The following STX5 variants were observed in gnomAD, a reference collection of about 807,000 sequenced individuals.
The protein encoded by STX5 is syntaxin 5, also known as syntaxin-5.
A neutral mutation model predicts 42.9 loss-of-function variants in STX5; 15 were observed. The ratio of observed to expected loss-of-function variants is 0.35; its 90% CI spans 0.23 to 0.54. The LOEUF (loss-of-function observed/expected upper bound fraction) is 0.54, where lower values mean the gene tolerates loss of function less well. STX5 is among the 20% of genes least tolerant of loss of function. STX5 has a pLI of 0.91. For synonymous variants in STX5, 184 were observed against 173.2 expected, an observed-to-expected ratio of 1.06 and a Z score of -0.49; for missense variants, 430 against 455.0, an observed-to-expected ratio of 0.95 and a Z score of 0.50.
rs141751646 is a variant in STX5, at chr11:62,829,794, G to C, written c.225+1225C>G. On this transcript the variant is annotated intron_variant, in intron 2 of 10. Coordinates refer to ENST00000294179, the MANE Select transcript of STX5 (RefSeq NM_003164.5). ...AAAGGAGAGAGAGAGGCCAGGTGTGGTGACTCATACCTGTAATCCCAGCAC... is the reference window on the plus strand; with the variant it reads ...AAAGGAGAGAGAGAGGCCAGGTGTGCTGACTCATACCTGTAATCCCAGCAC... Among the ~76,000 whole-genome samples the C allele has an allele frequency of 9.2e-5, 14 of 151,996 alleles. No individual in the cohort carries two copies. In the East Asian group the frequency reaches 2.7e-3, roughly 30 times the overall value.
chr11:62,814,382 A>T lies in STX5; in HGVS notation c.909-6754T>A, dbSNP rs149219441. Among the ~76,000 whole-genome samples, 585 of 152,062 alleles carry T rather than the reference A, an allele frequency of 3.8e-3. 2 individuals carry two copies. The highest frequency in any genetic ancestry group is 0.013 in the African/African-American group (542 of 41,466). ...CACCATGTTGATCAGCCTGGTCTCG[A>T]ACTCCCGACCTTAGGTGATCCACCC... is the stretch of plus-strand genomic sequence containing the variant. On this transcript the variant is annotated intron_variant, in intron 10 of 10. Transcript: ENST00000294179.
intron 10 of STX5, among the ~76,000 whole-genome samples, chr11:62,813,887 C>T (rs1295258028): frequency 2.6e-5 from 4 of 152,264 alleles, no homozygotes; most frequent in Non-Finnish European, 5.9e-5. Flanking sequence ...ATTTATGCCC[C>T]GGAGCCCACT....
intron 10 of STX5, among the ~76,000 whole-genome samples, chr11:62,810,039 T>C (rs1017390975): frequency 2.0e-5 from 3 of 146,344 alleles, no homozygotes; most frequent in Non-Finnish European, 4.5e-5. Context: ...GAGGCGGAGA[T>C]TGCAGTGAGC....
chr11:62,828,629 G>A (rs1382146879), intron 2 of STX5, among the ~76,000 whole-genome samples: 1 of 152,118 alleles, frequency 6.6e-6, no homozygotes, highest in African/African-American at 2.4e-5. Flanking sequence ...AGCAGGCTGA[G>A]GCCGGAGAAT....
chr11:62,815,562 A>G (rs548058615), intron 10 of STX5, among the ~76,000 whole-genome samples: 2 of 150,110 alleles, frequency 1.3e-5, no homozygotes, highest in African/African-American at 2.5e-5. Flanking sequence ...TTTGAGACAG[A>G]GTCTCGCTCT....
At chr11:62,830,453 A>T in intron 2 of STX5, 1 of 445,534 alleles carries the variant, frequency 2.2e-6, no homozygotes, top group Non-Finnish European at 4.5e-6. Context: ...AGGCTGAGGA[A>T]AGAGGATCCC....
intron 10 of STX5, among the ~76,000 whole-genome samples, chr11:62,817,876 T>G (rs2084692846): frequency 6.6e-6 from 1 of 152,056 alleles, no homozygotes; most frequent in Admixed American, 6.6e-5. Context: ...GAAACATATA[T>G]ATGTATATAT....
At chr11:62,811,657 CCTTT>C (rs1039094497) in intron 10 of STX5, among the ~76,000 whole-genome samples, 1 of 150,280 alleles carries the variant, frequency 6.7e-6, no homozygotes, top group Non-Finnish European at 1.5e-5. Context: ...TTCTCTCATC[CCTTT>C]TTTTTTTTTT....
chr11:62,807,205 G>GC lies in STX5; in HGVS notation c.*263dup. Reference sequence around the variant, plus strand: ...AAACAACCTCCCCCACTGGCCCCCAGCTGGCCTCTGCTCCCTTCCAGTCAC... The same window carrying GC: ...AAACAACCTCCCCCACTGGCCCCCAGCCTGGCCTCTGCTCCCTTCCAGTCAC... On this transcript the variant is annotated 3_prime_UTR_variant, in exon 11 of 11. Transcript: ENST00000294179. 2 of 328,130 alleles carry GC rather than the reference G, an allele frequency of 6.1e-6. No individual in the cohort carries two copies. Among genetic ancestry groups the GC allele is most frequent in the South Asian group, 1.5e-4 (2 of 13,280 alleles). 20.3% of individuals were successfully genotyped at this position (328,130 alleles called of 1,614,324 possible). A position where few individuals can be genotyped will look rare whatever the true frequency, so the allele number is the denominator to read the frequency against.
intron 10 of STX5, among the ~76,000 whole-genome samples, chr11:62,821,426 G>A (rs1405541429): frequency 6.6e-6 from 1 of 151,806 alleles, no homozygotes. Context: ...TATACTTTTT[G>A]TTTTAAAGTT....
At chr11:62,827,040 A>ACC in intron 5 of STX5, 115 bp downstream of exon 5, 1 of 882,576 alleles carries the variant, frequency 1.1e-6, no homozygotes, top group Non-Finnish European at 1.8e-6. Flanking sequence ...ACACAGTGAG[A>ACC]CCCCCCTCTC....
Position 62,824,542 on chromosome 11 carries a change from C to T in STX5, c.703G>A (p.Ala235Thr), listed in dbSNP as rs201284859. The T allele has an allele frequency of 3.1e-6, 5 of 1,614,030 alleles. No homozygotes were observed. In the East Asian group the frequency reaches 8.9e-5, roughly 29 times the overall value. ...ACATCCTTGGAGGCATGGGACTCTG[C>T]CCCCAGAACCACAGCACCACCGCCT... The part of the protein sequence containing the change: ...HLGGGAVVLG[A>T]ESHASKDVAI... Residue 235 changes from alanine to threonine, a missense_variant, in exon 9 of 11, where the codon GCA (alanine) becomes ACA (threonine). Coordinates refer to ENST00000294179, the MANE Select transcript of STX5 (RefSeq NM_003164.5).
chr11:62,820,355 G>A (rs1419402526), intron 10 of STX5, among the ~76,000 whole-genome samples: 3 of 148,930 alleles, frequency 2.0e-5, no homozygotes, highest in Non-Finnish European at 4.5e-5. Flanking sequence ...GTAACACGAC[G>A]AGACTCTGTC....
chr11:62,826,740 A>G (rs770543841), intron 5 of STX5, among the ~76,000 whole-genome samples: 11 of 151,594 alleles, frequency 7.3e-5, no homozygotes, highest in Non-Finnish European at 1.3e-4. Flanking sequence ...TTAGCCAGTC[A>G]TTGGTAGCGG....
chr11:62,808,349 C>A (rs1304605913), intron 10 of STX5, among the ~76,000 whole-genome samples: 1 of 151,730 alleles, frequency 6.6e-6, no homozygotes, highest in Non-Finnish European at 1.5e-5. Context: ...TAGCTTGAAC[C>A]CAGGAGGTTG....
rs148739646 is a variant in STX5, at chr11:62,825,577, A to C, written c.424-38T>G. 10 of 1,581,722 alleles carry C rather than the reference A, an allele frequency of 6.3e-6. No homozygotes were observed. The East Asian group carries it at 2.2e-4, about 35-fold the overall frequency. On this transcript the variant is annotated intron_variant, in intron 5 of 10. Coordinates refer to ENST00000294179, the MANE Select transcript of STX5 (RefSeq NM_003164.5). The stretch of plus-strand genomic sequence containing the variant: ...TCCAAGGAAAAACAAAGTATTAGCC[A>C]AGGAGTCCTTAGTCAGCATCTCTCA...
At chr11:62,810,471 C>CA (rs201425491) in intron 10 of STX5, among the ~76,000 whole-genome samples, 7 of 151,858 alleles carry the variant, frequency 4.6e-5, no homozygotes, top group African/African-American at 1.7e-4. Context: ...AATATGAAAA[C>CA]AAAAAAAGTT....
chr11:62,811,862 G>A (rs187120416), intron 10 of STX5, among the ~76,000 whole-genome samples: 1 of 152,110 alleles, frequency 6.6e-6, no homozygotes, highest in East Asian at 1.9e-4. Flanking sequence ...GTGAGCTCCA[G>A]GAGGACCAGA....
intron 10 of STX5, among the ~76,000 whole-genome samples, chr11:62,814,940 G>A (rs2084657307): frequency 6.6e-6 from 1 of 151,958 alleles, no homozygotes; most frequent in Non-Finnish European, 1.5e-5. Context: ...GGGGACAACT[G>A]GGAAAATGTA....
Sources: allele counts gnomAD v4.1 joint callset (sites outside exome capture counted in the v4.1 genomes callset), GRCh38; gene constraint gnomAD v4.1.1; transcripts MANE v1.5; gene names NCBI Gene and HGNC (gene_info 2026-07-23, HGNC 2026-07-21).